The following SPTBN4 variants were observed in gnomAD, a reference collection of about 807,000 sequenced individuals.
The protein encoded by SPTBN4 is spectrin beta chain, non-erythrocytic 4.
Under a neutral mutation model 277.8 loss-of-function variants are expected in SPTBN4, and 96 were observed. That is an observed-to-expected ratio of 0.35 (90% CI 0.29 to 0.41). The LOEUF is 0.41. SPTBN4 is among the 10% of genes least tolerant of loss of function. The probability of loss-of-function intolerance (pLI) is 1.00; values close to 1 mark genes in which losing one functional copy is unlikely to be tolerated. For synonymous variants in SPTBN4, 1,481 were observed against 1,580.3 expected, an observed-to-expected ratio of 0.94 and a Z score of 1.49; for missense variants, 3,006 against 3,595.7, an observed-to-expected ratio of 0.84 and a Z score of 4.19.
intron 1 of SPTBN4, among the ~76,000 whole-genome samples, chr19:40,470,710 G>T (rs1244601753): frequency 6.6e-6 from 1 of 151,042 alleles, no homozygotes; most frequent in Admixed American, 6.6e-5. Context: ...TCAGCTCATT[G>T]CAACCTGCGC....
chr19:40,529,173 A>T, intron 18 of SPTBN4, 42 bp downstream of exon 18: 47 of 1,482,248 alleles, frequency 3.2e-5, no homozygotes, highest in Non-Finnish European at 3.5e-5. Flanking sequence ...CATCCCCTTT[A>T]GTCGGGAGGG....
intron 1 of SPTBN4, among the ~76,000 whole-genome samples, chr19:40,472,003 C>T (rs990057659): frequency 2.0e-5 from 3 of 151,162 alleles, no homozygotes; most frequent in Non-Finnish European, 4.4e-5. Context: ...CTCCGCCTCC[C>T]GGGTTCAAGC....
chr19:40,557,361 C>T lies in SPTBN4; in HGVS notation c.5628C>T (p.Thr1876=), dbSNP rs138975713. The T allele has an allele frequency of 1.0e-5, 16 of 1,600,460 alleles. No individual in the cohort carries two copies. Among genetic ancestry groups the T allele is most frequent in the African/African-American group, 1.3e-5 (1 of 74,518 alleles). ...CCAGTGCCAGTTCCATGCAGCGGAC[C>T]CTGAGAGCCTTTGAGCATGACCTGC... ...PRPSASSMQR[T]LRAFEHDLQL... is the part of the protein sequence containing the mutation. Residue 1876 remains threonine, a synonymous_variant, in exon 26 of 36, where the codon ACC becomes ACT. Transcript: ENST00000598249.
Position 40,565,580 on chromosome 19 carries a change from G to A in SPTBN4, c.6054+19G>A, listed in dbSNP as rs2081083395. On this transcript the variant is annotated intron_variant, in intron 28 of 35. Coordinates refer to ENST00000598249, the MANE Select transcript of SPTBN4 (RefSeq NM_020971.3). ...TGATGAGGTGGGGAGCAGGGAGGGG[G>A]TCCCCCTCTGCCACCCGGGCACATT... 3.1e-6 allele frequency: 5 copies of A among 1,609,916 alleles called. No homozygotes were observed. The highest frequency in any genetic ancestry group is 2.2e-5 in the East Asian group (1 of 44,708).
At position 40,568,350 on chromosome 19, in the gene SPTBN4, G is replaced by T. The variant is rs368837763; in HGVS notation, c.6956+68G>T. The stretch of plus-strand genomic sequence containing the variant: ...AGCGGAGAGCTCCTAGAACCCCTCA[G>T]GCCCAGTGAAAGGGCTTCAGGGCTC... On this transcript the variant is annotated intron_variant, in intron 31 of 35. Coordinates refer to ENST00000598249, the MANE Select transcript of SPTBN4 (RefSeq NM_020971.3). The T allele has an allele frequency of 5.0e-4, 742 of 1,477,494 alleles. 3 individuals are homozygous for T. In the African/African-American group the frequency reaches 9.5e-3, roughly 19 times the overall value. 91.5% of individuals were successfully genotyped at this position (1,477,494 alleles called of 1,614,324 possible).
At chr19:40,513,587 C>T (rs2080420852) in intron 14 of SPTBN4, 33 bp downstream of exon 14, 4 of 1,492,472 alleles carry the variant, frequency 2.7e-6, no homozygotes, top group Non-Finnish European at 3.6e-6. Context: ...CCGGGGTCCC[C>T]TTCCTCATGC....
chr19:40,497,130 G>A (rs2080207903), intron 6 of SPTBN4, among the ~76,000 whole-genome samples: 1 of 151,180 alleles, frequency 6.6e-6, no homozygotes, highest in Non-Finnish European at 1.5e-5. Context: ...ACACATAAGG[G>A]CTGTACACAC....
intron 35 of SPTBN4, among the ~76,000 whole-genome samples, chr19:40,574,596 A>G (rs1015103321): frequency 8.5e-5 from 13 of 152,052 alleles, no homozygotes; most frequent in African/African-American, 3.1e-4. Flanking sequence ...TCCTGACCTC[A>G]GGTGATCCAC....
chr19:40,522,870 G>A (rs926516747), intron 16 of SPTBN4, among the ~76,000 whole-genome samples: 1 of 151,686 alleles, frequency 6.6e-6, no homozygotes, highest in African/African-American at 2.4e-5. Context: ...GGTGGCTCAC[G>A]CCTGTAATCC....
rs2080890304 is a variant in SPTBN4 at position 40,549,268 on chromosome 19, C to G, written c.4439C>G (p.Pro1480Arg). 4 of 1,545,724 alleles carry G rather than the reference C, an allele frequency of 2.6e-6. No homozygotes were observed. The highest frequency in any genetic ancestry group is 2.7e-5 in the African/African-American group (2 of 73,050). ...CAGACGGCGGCGCTGCCGCTGGAGC[C>G]GGCGAGCAAGGAGCTGGTGGGTGAG... ...QAQTAALPLE[P>R]ASKELVGERQ... Residue 1480 changes from proline to arginine, a missense_variant, in exon 21 of 36, where the codon CCG (proline) becomes CGG (arginine). Pro to Arg is a moderately radical substitution (Grantham distance 103). Coordinates refer to ENST00000598249, the MANE Select transcript of SPTBN4 (RefSeq NM_020971.3).
At chr19:40,486,629 TC>T (rs1177373304) in intron 2 of SPTBN4, among the ~76,000 whole-genome samples, 4 of 152,032 alleles carry the variant, frequency 2.6e-5, no homozygotes. Flanking sequence ...CGCCTTGGCT[TC>T]CCAAAGTGCT....
In SPTBN4 at chr19:40,513,119, A is replaced by G. The variant is rs893545563; in HGVS notation, c.2330A>G (p.Gln777Arg). Reference protein sequence around the residue: ...RRLQEARALHQFGADLDGLLD... With the variant: ...RRLQEARALHRFGADLDGLLD... The stretch of plus-strand genomic sequence containing the variant: ...CTGCAGGAGGCGCGGGCGCTGCACC[A>G]GTTCGGCGCTGACCTCGACGGGCTG... The change falls in exon 14 of 36, where the codon CAG becomes CGG. Residue 777 changes from glutamine to arginine, a missense_variant. Transcript: ENST00000598249. The G allele has an allele frequency of 2.0e-6, 3 of 1,465,394 alleles. No homozygotes were observed. Among genetic ancestry groups the G allele is most frequent in the African/African-American group, 3.0e-5 (2 of 67,742 alleles). 90.8% of individuals were successfully genotyped at this position (1,465,394 alleles called of 1,614,324 possible).
intron 20 of SPTBN4, among the ~76,000 whole-genome samples, chr19:40,536,888 T>C (rs1213179823): frequency 6.6e-6 from 1 of 151,720 alleles, no homozygotes. Flanking sequence ...GGGGCTCAAG[T>C]GATGCTCCTC....
At position 40,560,551 on chromosome 19, in the gene SPTBN4, T is replaced by C; in HGVS notation, c.5915+148T>C. 1 of 1,525,182 alleles carries C rather than the reference T, an allele frequency of 6.6e-7. No homozygotes were observed. Among genetic ancestry groups the C allele is most frequent in the Non-Finnish European group, 8.8e-7 (1 of 1,138,440 alleles). The allele number at this position is 1,525,182 out of a possible 1,614,324, so 94.5% of individuals were successfully genotyped here. A position where few individuals can be genotyped will look rare whatever the true frequency, so the allele number is the denominator to read the frequency against. On this transcript the variant is annotated intron_variant, in intron 27 of 35. Coordinates refer to ENST00000598249, the MANE Select transcript of SPTBN4 (RefSeq NM_020971.3). The surrounding 1 kb of genome is among the most constrained non-coding windows in gnomAD (Gnocchi z 5.2). The stretch of plus-strand genomic sequence containing the variant: ...GTGTGCTAGGCACTGTTCTAGGTGC[T>C]TCGTGTGTATTCAGACCCCTTTTTT...
chr19:40,567,648 T>A lies in SPTBN4; in HGVS notation c.6337-15T>A. On this transcript the variant is annotated splice_polypyrimidine_tract_variant and intron_variant, in intron 30 of 35. Transcript: ENST00000598249. ...CCCCACGCCTCCAACCTAACCCTGG[T>A]CCCTCCATCCTCAGATCGAGAAAAT... The A allele has an allele frequency of 7.4e-7, 1 of 1,352,206 alleles. No individual in the cohort carries two copies. Among genetic ancestry groups the A allele is most frequent in the East Asian group, 4.0e-5 (1 of 25,282 alleles). The allele number at this position is 1,352,206 out of a possible 1,614,324, so 83.8% of individuals were successfully genotyped here.
intron 33 of SPTBN4, 105 bp downstream of exon 33, chr19:40,570,833 C>A (rs2081149008): frequency 4.8e-6 from 6 of 1,258,456 alleles, no homozygotes; most frequent in Non-Finnish European, 6.3e-6. Flanking sequence ...TCAGGCCCTC[C>A]AGCAGGTGGC....
rs994242323 is a variant in SPTBN4, at chr19:40,534,116, G to A, written c.4132G>A (p.Ala1378Thr). 4.4e-6 allele frequency: 7 copies of A among 1,608,614 alleles called. No homozygotes were observed. Among genetic ancestry groups the A allele is most frequent in the Non-Finnish European group, 6.0e-6 (7 of 1,176,258 alleles). ...ACTGATGCAGGAGAAGCCCGAACTG[G>A]CGGCCTCCGTGCGGAAGAAGCTGGG... ...QQLMQEKPEL[A>T]ASVRKKLGEI... Residue 1378 changes from alanine to threonine, a missense_variant, in exon 20 of 36, where the codon GCG becomes ACG. This residue lies in a region of SPTBN4 where 1,759 missense variants were observed against 2,061.5 expected (regional missense o/e 0.85). Transcript: ENST00000598249.
chr19:40,515,557 C>T lies in SPTBN4; in HGVS notation c.2903+109C>T, dbSNP rs564474430. 7.2e-6 allele frequency: 9 copies of T among 1,250,098 alleles called. No homozygotes were observed. Among genetic ancestry groups the T allele is most frequent in the East Asian group, 6.0e-5 (2 of 33,086 alleles). 77.4% of individuals were successfully genotyped at this position (1,250,098 alleles called of 1,614,324 possible). ...AACCCCTGGAATCATAATGGCCACC[C>T]GATAAATCAACAAAATGTTGACCAA... is the stretch of plus-strand genomic sequence containing the variant. On this transcript the variant is annotated intron_variant, in intron 15 of 35. Coordinates refer to ENST00000598249, the MANE Select transcript of SPTBN4 (RefSeq NM_020971.3). The surrounding 1 kb of genome is among the most constrained non-coding windows in gnomAD (Gnocchi z 4.1).
chr19:40,515,868 G>GCA lies in SPTBN4; in HGVS notation c.2903+421_2903+422insAC. The stretch of plus-strand genomic sequence containing the variant: ...TGAAACCCCGTCTCTCTCTCTACGT[G>GCA]CGCGCACACACACACACACACACAC... On this transcript the variant is annotated intron_variant, in intron 15 of 35. Transcript: ENST00000598249. The surrounding 1 kb of genome is among the most constrained non-coding windows in gnomAD (Gnocchi z 4.1). Among the ~76,000 whole-genome samples, 1 of 121,884 alleles carries GCA rather than the reference G, an allele frequency of 8.2e-6. No individual in the cohort carries two copies. The highest frequency in any genetic ancestry group is 1.6e-5 in the Non-Finnish European group (1 of 61,376). 80.0% of individuals were successfully genotyped at this position (121,884 alleles called of 152,430 possible).
Sources: gnomAD v4.1 joint callset for allele counts (sites outside exome capture counted in the v4.1 genomes callset) on GRCh38, gnomAD v4.1.1 for gene constraint, gnomAD v4.1.1 regional missense constraint, Gnocchi (gnomAD v3.1) non-coding constraint, MANE v1.5 for transcripts, NCBI Gene and HGNC (gene_info 2026-07-23, HGNC 2026-07-21) for gene names.